Variants in MROH2A observed in about 807,000 individuals in gnomAD.
MROH2A encodes the protein maestro heat-like repeat-containing protein family member 2A.
In MROH2A, 174 loss-of-function variants were observed where a neutral mutation model predicts 200.4. The ratio of observed to expected loss-of-function variants is 0.87; its 90% CI spans 0.77 to 0.98. The LOEUF (loss-of-function observed/expected upper bound fraction) is 0.98, where lower values mean the gene tolerates loss of function less well. Ranked by LOEUF, MROH2A falls within the 50% of genes least tolerant of loss-of-function variation. The pLI is 0.00. For synonymous variants in MROH2A, 829 were observed against 840.4 expected, an observed-to-expected ratio of 0.99 and a Z score of 0.23; for missense variants, 2,045 against 2,139.6, an observed-to-expected ratio of 0.96 and a Z score of 0.87.
At chr2:233,816,250 T>C (rs773483111) in intron 26 of MROH2A, among the ~76,000 whole-genome samples, 1 of 152,264 alleles carries the variant, frequency 6.6e-6, no homozygotes, top group Non-Finnish European at 1.5e-5. Context: ...TTCTGTCTTT[T>C]TGTTCTATCA....
At chr2:233,780,255 G>A (rs1700887208) in intron 3 of MROH2A, among the ~76,000 whole-genome samples, 1 of 152,216 alleles carries the variant, frequency 6.6e-6, no homozygotes, top group Admixed American at 6.5e-5. Context: ...AGGGGACCTG[G>A]TGGGCTTGTA....
intron 21 of MROH2A, among the ~76,000 whole-genome samples, chr2:233,808,615 G>A (rs1032151054): frequency 6.6e-6 from 1 of 152,192 alleles, no homozygotes; most frequent in African/African-American, 2.4e-5. Context: ...AGTCTGGCAG[G>A]GCACTGGGGC....
At chr2:233,810,761 A>G in intron 22 of MROH2A, 33 bp from the exon 23 acceptor site, 1 of 1,547,668 alleles carries the variant, frequency 6.5e-7, no homozygotes, top group Non-Finnish European at 8.7e-7. Context: ...GCTCACAAAC[A>G]TTCTCTCCCT....
chr2:233,800,991 A>G (rs1388037065), intron 14 of MROH2A, among the ~76,000 whole-genome samples: 2 of 152,206 alleles, frequency 1.3e-5, no homozygotes, highest in Non-Finnish European at 2.9e-5. Context: ...GCTACAGTCC[A>G]TGTGGCACCC....
Position 233,794,454 on chromosome 2 carries a change from C to A in MROH2A, c.914C>A (p.Pro305His). Residue 305 changes from proline to histidine, a missense_variant, in exon 8 of 42, where the codon CCC becomes CAC. This residue lies in a region of MROH2A where 831 missense variants were observed against 800.0 expected (regional missense o/e 1.04). Coordinates refer to ENST00000389758, the MANE Select transcript of MROH2A (RefSeq NM_001394639.1). ...CGGGAGCAGGTCTACGACTACATCC[C>A]CCTGCTGCTGGCGGAGTACCAGGGC... ...DLREQVYDYI[P>H]LLLAEYQGSL... The A allele has an allele frequency of 1.9e-6, 3 of 1,550,400 alleles. No homozygotes were observed. The highest frequency in any genetic ancestry group is 2.6e-6 in the Non-Finnish European group (3 of 1,146,836).
At chr2:233,792,458 G>T (rs559641840) in intron 5 of MROH2A, among the ~76,000 whole-genome samples, 1 of 151,936 alleles carries the variant, frequency 6.6e-6, no homozygotes, top group Non-Finnish European at 1.5e-5. Context: ...GACTACAGGC[G>T]CCTGCCAACA....
At position 233,807,644 on chromosome 2, in the gene MROH2A, ATG is replaced by A; in HGVS notation, c.2173-80_2173-79del. The A allele has an allele frequency of 1.3e-6, 2 of 1,544,040 alleles. No individual in the cohort carries two copies. The highest frequency in any genetic ancestry group is 1.7e-6 in the Non-Finnish European group (2 of 1,143,514). Reference sequence around the variant, plus strand: ...ATGCGTTTTGTGTGTGTGTGTGTACATGTGTGTGTGCCTTGCACGTGTGTGTG... The same window carrying A: ...ATGCGTTTTGTGTGTGTGTGTGTACATGTGTGTGCCTTGCACGTGTGTGTG... On this transcript the variant is annotated intron_variant, in intron 20 of 41. Coordinates refer to ENST00000389758, the MANE Select transcript of MROH2A (RefSeq NM_001394639.1). The surrounding 1 kb of genome is among the most constrained non-coding windows in gnomAD (Gnocchi z 4.3).
chr2:233,791,566 G>T (rs1267630752), intron 5 of MROH2A, among the ~76,000 whole-genome samples: 1 of 152,148 alleles, frequency 6.6e-6, no homozygotes, highest in African/African-American at 2.4e-5. Context: ...GCTTGGCTTT[G>T]GTTCTTGGTG....
At chr2:233,832,081 C>T in intron 39 of MROH2A, 96 bp from the exon 40 acceptor site, 1 of 1,024,024 alleles carries the variant, frequency 9.8e-7, no homozygotes, top group South Asian at 1.5e-5. Flanking sequence ...CTTGCCCTCT[C>T]TGATGCATCT....
Position 233,822,365 on chromosome 2 carries a change from C to G in MROH2A, c.3675C>G (p.Thr1225=), listed in dbSNP as rs1386564465. 1.9e-6 allele frequency: 3 copies of G among 1,550,922 alleles called. 1 individual carries two copies. The South Asian group carries it at 3.6e-5, about 18-fold the overall frequency. ...WRLAAVDPLM[T]LCTIHLLIQK... is the part of the protein sequence containing the mutation. The stretch of plus-strand genomic sequence containing the variant: ...TGCCCTGGACCTTCTCTCTGCAGAC[C>G]CTGTGCACCATCCACCTTCTCATTC... The change falls in exon 33 of 42, where the codon ACC becomes ACG. Residue 1225 remains threonine, a splice_region_variant and synonymous_variant. Transcript: ENST00000389758.
At chr2:233,797,483 A>C (rs917466231) in intron 11 of MROH2A, among the ~76,000 whole-genome samples, 4 of 152,244 alleles carry the variant, frequency 2.6e-5, no homozygotes, top group African/African-American at 9.6e-5. Flanking sequence ...GTGTGTAGTC[A>C]ATCCACTTTT....
intron 35 of MROH2A, among the ~76,000 whole-genome samples, chr2:233,825,029 G>T (rs776879603): frequency 1.3e-5 from 2 of 152,118 alleles, no homozygotes; most frequent in African/African-American, 2.4e-5. Flanking sequence ...CTCCTTTGAA[G>T]AGGCCCCTCA....
In MROH2A at chr2:233,821,996, G is replaced by A. The variant is rs569718031; in HGVS notation, c.3513-128G>A. 5.5e-4 allele frequency: 662 copies of A among 1,194,682 alleles called. 1 individual carries two copies. The highest frequency in any genetic ancestry group is 3.0e-3 in the African/African-American group (197 of 64,950). 74.0% of individuals were successfully genotyped at this position (1,194,682 alleles called of 1,614,324 possible). On this transcript the variant is annotated intron_variant, in intron 31 of 41. Transcript: ENST00000389758. ...CACGCAAATTTTGGCGGCTCCCTCC[G>A]CCTCCCTGAGATTCAGTCCCCAGAG...
intron 27 of MROH2A, 22 bp from the exon 28 acceptor site, chr2:233,817,980 C>T (rs1703659425): frequency 6.4e-7 from 1 of 1,550,550 alleles, no homozygotes; most frequent in Admixed American, 2.0e-5. Flanking sequence ...AGGTGTGAGC[C>T]CCACGGTCTC....
rs1369311997 is a variant in MROH2A, at chr2:233,802,198, A to T, written c.1591A>T (p.Met531Leu). 3 of 1,550,238 alleles carry T rather than the reference A, an allele frequency of 1.9e-6. No individual in the cohort carries two copies. Among genetic ancestry groups the T allele is most frequent in the African/African-American group, 1.4e-5 (1 of 72,996 alleles). ...EFWVRLLCYI[M>L]ETDYVEALTP... ...TTGGGTGAGGCTGCTGTGCTACATC[A>T]TGGAGACAGACTACGTGGAAGCTTT... The change falls in exon 15 of 42, where the codon ATG (methionine) becomes TTG (leucine). Residue 531 changes from methionine (M) to leucine (L), a missense_variant. Transcript: ENST00000389758.
At chr2:233,796,825 G>C (rs905434139) in intron 11 of MROH2A, among the ~76,000 whole-genome samples, 1 of 152,212 alleles carries the variant, frequency 6.6e-6, no homozygotes, top group East Asian at 1.9e-4. Flanking sequence ...AAGAGCATGG[G>C]CAGCTCCCGC....
intron 16 of MROH2A, 101 bp from the exon 17 acceptor site, chr2:233,803,950 G>A (rs1038638842): frequency 4.9e-5 from 70 of 1,424,012 alleles, no homozygotes; most frequent in Non-Finnish European, 6.0e-5. Context: ...GAAAACCACC[G>A]ATCTTGTCCA....
intron 26 of MROH2A, 49 bp from the exon 27 acceptor site, chr2:233,816,732 G>A: frequency 7.5e-7 from 1 of 1,332,986 alleles, no homozygotes. Context: ...GGAAAGGGCT[G>A]GCCCCAGGAT....
intron 13 of MROH2A, 44 bp downstream of exon 13, chr2:233,799,943 A>G: frequency 6.5e-7 from 1 of 1,549,810 alleles, no homozygotes; most frequent in Non-Finnish European, 8.7e-7. Flanking sequence ...CTGGACTTGG[A>G]AATGGTTTCC....
Sources: gnomAD v4.1 joint callset for allele counts (sites outside exome capture counted in the v4.1 genomes callset) on GRCh38, gnomAD v4.1.1 for gene constraint, gnomAD v4.1.1 regional missense constraint, Gnocchi (gnomAD v3.1) non-coding constraint, MANE v1.5 for transcripts, NCBI Gene and HGNC (gene_info 2026-07-23, HGNC 2026-07-21) for gene names.